Variants in ABCD3 observed in about 807,000 individuals in gnomAD.
The protein encoded by ABCD3 is ATP-binding cassette sub-family D member 3.
In ABCD3, 41 loss-of-function variants were observed where a neutral mutation model predicts 105.5. That is an observed-to-expected ratio of 0.39 (90% CI 0.30 to 0.50). The LOEUF is 0.50. Ranked by LOEUF, ABCD3 falls within the 20% of genes least tolerant of loss-of-function variation. ABCD3 has a pLI of 0.84. For synonymous variants in ABCD3, 258 were observed against 269.0 expected (o/e 0.96, Z 0.40); for missense variants, 622 against 806.3 (o/e 0.77, Z 2.77).
intron 22 of ABCD3, among the ~76,000 whole-genome samples, chr1:94,515,998 T>C (rs887181934): frequency 6.6e-6 from 1 of 151,968 alleles, no homozygotes; most frequent in Non-Finnish European, 1.5e-5. Context: ...AGGTGCCTTG[T>C]TCCACAAAAT....
chr1:94,491,604 C>A (rs1649539293), intron 16 of ABCD3, among the ~76,000 whole-genome samples: 2 of 152,048 alleles, frequency 1.3e-5, no homozygotes, highest in African/African-American at 4.8e-5. Flanking sequence ...ATTGTTGTGA[C>A]TGTACAGGAT....
chr1:94,409,800 G>A, the ABCD3 span, among the ~76,000 whole-genome samples: 309 of 152,276 alleles, frequency 2.0e-3, no homozygotes, highest in Non-Finnish European at 3.7e-3. Flanking sequence ...GTGGGGAGCA[G>A]CATCTCAGCC....
intron 21 of ABCD3, among the ~76,000 whole-genome samples, chr1:94,507,137 C>G (rs1372991494): frequency 6.6e-6 from 1 of 151,926 alleles, no homozygotes; most frequent in Non-Finnish European, 1.5e-5. Flanking sequence ...CTATCCCTCC[C>G]CCCTTCCCCC....
At chr1:94,513,221 A>G (rs1262668361) in intron 21 of ABCD3, among the ~76,000 whole-genome samples, 1 of 152,082 alleles carries the variant, frequency 6.6e-6, no homozygotes, top group Non-Finnish European at 1.5e-5. Context: ...GTTTTCAAAT[A>G]TATAGGTATT....
chr1:94,465,200 GA>G (rs1345880802), intron 3 of ABCD3, among the ~76,000 whole-genome samples: 9 of 152,092 alleles, frequency 5.9e-5, no homozygotes. Context: ...CTGCCTCCAT[GA>G]CCCAAACACC....
the ABCD3 span, among the ~76,000 whole-genome samples, chr1:94,412,316 T>C: frequency 1.3e-5 from 2 of 152,186 alleles, no homozygotes; most frequent in African/African-American, 4.8e-5. Context: ...TGAGTATTTT[T>C]CCAAAGATAT....
chr1:94,467,227 TC>T (rs1372366393), intron 3 of ABCD3, among the ~76,000 whole-genome samples: 1 of 152,214 alleles, frequency 6.6e-6, no homozygotes, highest in Non-Finnish European at 1.5e-5. Context: ...AAATCCTTCA[TC>T]TTTTTTACCT....
At chr1:94,492,915 T>G (rs1256095054) in intron 16 of ABCD3, among the ~76,000 whole-genome samples, 1 of 152,208 alleles carries the variant, frequency 6.6e-6, no homozygotes, top group Non-Finnish European at 1.5e-5. Context: ...CAAAGCCTTT[T>G]CTTTTAAAGC....
chr1:94,495,008 G>C (rs1349605182), intron 16 of ABCD3, among the ~76,000 whole-genome samples: 2 of 152,154 alleles, frequency 1.3e-5, no homozygotes, highest in Admixed American at 6.6e-5. Flanking sequence ...TTGTGCCAGT[G>C]AGGCAGAGGT....
intron 4 of ABCD3, among the ~76,000 whole-genome samples, chr1:94,470,787 C>T (rs1007358514): frequency 7.9e-5 from 12 of 151,892 alleles, no homozygotes; most frequent in African/African-American, 2.9e-4. Flanking sequence ...ATTTTATTTT[C>T]TAGGAAATTT....
intron 16 of ABCD3, among the ~76,000 whole-genome samples, chr1:94,492,243 T>C (rs1327874534): frequency 1.3e-5 from 2 of 152,118 alleles, no homozygotes; most frequent in Non-Finnish European, 1.5e-5. Flanking sequence ...CATGTGGGGA[T>C]TTTTTTCCTA....
chr1:94,502,981 C>T (rs1650174344), intron 20 of ABCD3, among the ~76,000 whole-genome samples: 1 of 152,120 alleles, frequency 6.6e-6, no homozygotes. Context: ...CACATGCAGC[C>T]CAGGACAGCT....
At chr1:94,468,679 A>G (rs1648284593) in intron 4 of ABCD3, among the ~76,000 whole-genome samples, 1 of 152,196 alleles carries the variant, frequency 6.6e-6, no homozygotes, top group Non-Finnish European at 1.5e-5. Flanking sequence ...GGTATGCAGT[A>G]TTTTGTCAGA....
chr1:94,391,362 C>A, the ABCD3 span, among the ~76,000 whole-genome samples: 4 of 152,150 alleles, frequency 2.6e-5, no homozygotes, highest in Non-Finnish European at 2.9e-5. Flanking sequence ...GACTCTCTGT[C>A]GCCCTCGTCA....
intron 9 of ABCD3, among the ~76,000 whole-genome samples, chr1:94,481,004 C>A (rs935355975): frequency 6.6e-6 from 1 of 152,144 alleles, no homozygotes; most frequent in Non-Finnish European, 1.5e-5. Context: ...GTGCCTCTAC[C>A]TATTTTCTAG....
intron 7 of ABCD3, among the ~76,000 whole-genome samples, chr1:94,476,849 T>C (rs1459272725): frequency 6.6e-6 from 1 of 152,114 alleles, no homozygotes. Context: ...CTTTCTTTTC[T>C]GTTCCCATTA....
chr1:94,482,729 C>T (rs1649089059), intron 9 of ABCD3: 1 of 175,324 alleles, frequency 5.7e-6, no homozygotes, highest in African/African-American at 2.4e-5. Flanking sequence ...GCTTTTCTGT[C>T]TTTAAAAGGC....
At chr1:94,423,178 T>C (rs1264519182) in intron 1 of ABCD3, among the ~76,000 whole-genome samples, 1 of 152,230 alleles carries the variant, frequency 6.6e-6, no homozygotes, top group African/African-American at 2.4e-5. Context: ...TTGTCATCCT[T>C]GAAGGGTTAG....
intron 4 of ABCD3, among the ~76,000 whole-genome samples, chr1:94,472,454 GTTTTT>G (rs4148072): frequency 7.0e-6 from 1 of 143,840 alleles, no homozygotes; most frequent in Non-Finnish European, 1.5e-5. Flanking sequence ...TGTAGTTAGC[GTTTTT>G]TTTTTTTTTA....
Sources: gnomAD v4.1 joint callset for allele counts (sites outside exome capture counted in the v4.1 genomes callset) on GRCh38, gnomAD v4.1.1 for gene constraint, MANE v1.5 for transcripts, NCBI Gene and HGNC (gene_info 2026-07-23, HGNC 2026-07-21) for gene names.